HPSE2: variants seen among roughly 807,000 people sequenced by gnomAD.
HPSE2 encodes heparanase 2 (inactive).
HPSE2 carries 38 observed loss-of-function variants against 60.5 expected under a neutral mutation model. The ratio of observed to expected loss-of-function variants is 0.63; its 90% CI spans 0.48 to 0.82. HPSE2 has a LOEUF of 0.82. HPSE2 is among the 40% of genes least tolerant of loss of function. The probability of loss-of-function intolerance (pLI) is 0.00; values close to 1 mark genes in which losing one functional copy is unlikely to be tolerated. For missense variants in HPSE2, 713 were observed against 740.4 expected, an observed-to-expected ratio of 0.96 and a Z score of 0.43; for synonymous variants, 295 against 293.2, an observed-to-expected ratio of 1.01 and a Z score of -0.06.
intron 7 of HPSE2, among the ~76,000 whole-genome samples, chr10:98,628,348 C>T (rs1393122135): frequency 6.6e-6 from 1 of 152,058 alleles, no homozygotes; most frequent in Non-Finnish European, 1.5e-5. Flanking sequence ...TGCAAAATTC[C>T]CTTAGAAAGT....
chr10:98,535,324 GT>G (rs1408708507), intron 9 of HPSE2, among the ~76,000 whole-genome samples: 5 of 148,126 alleles, frequency 3.4e-5, no homozygotes, highest in East Asian at 2.0e-4. Context: ...ATTTTTGTTT[GT>G]TTTTTTTTTA....
chr10:98,498,878 A>T (rs897463524), intron 9 of HPSE2, among the ~76,000 whole-genome samples: 6 of 152,190 alleles, frequency 3.9e-5, no homozygotes, highest in Non-Finnish European at 7.3e-5. Flanking sequence ...CAGCAATAGA[A>T]CTGAACAAGT....
intron 3 of HPSE2, among the ~76,000 whole-genome samples, chr10:99,051,201 T>C (rs1195701554): frequency 6.6e-6 from 1 of 152,082 alleles, no homozygotes; most frequent in African/African-American, 2.4e-5. Flanking sequence ...GAGAATGGCA[T>C]GAACCCAGGA....
intron 3 of HPSE2, among the ~76,000 whole-genome samples, chr10:98,976,812 T>C (rs1417656731): frequency 2.6e-5 from 4 of 151,174 alleles, no homozygotes; most frequent in Non-Finnish European, 5.9e-5. Context: ...TTGGAAAAAA[T>C]GGGCTTTGCA....
chr10:99,176,841 G>A (rs1192152858), intron 2 of HPSE2, among the ~76,000 whole-genome samples: 1 of 151,922 alleles, frequency 6.6e-6, no homozygotes. Flanking sequence ...AGGTTGAAAT[G>A]AAGGAAAAAA....
intron 8 of HPSE2, among the ~76,000 whole-genome samples, chr10:98,617,543 C>T (rs1945947196): frequency 6.6e-6 from 1 of 152,154 alleles, no homozygotes. Flanking sequence ...CTGGAGCATT[C>T]AAAAATGGCT....
chr10:99,249,184 G>A, the HPSE2 span, among the ~76,000 whole-genome samples: 5 of 152,222 alleles, frequency 3.3e-5, no homozygotes, highest in South Asian at 2.1e-4. Flanking sequence ...TGGTAGATGC[G>A]CCAACAGCTT....
intron 4 of HPSE2, among the ~76,000 whole-genome samples, chr10:98,722,063 G>T (rs568018538): frequency 7.9e-5 from 12 of 151,112 alleles, no homozygotes; most frequent in Non-Finnish European, 1.3e-4. Context: ...AATCAACACC[G>T]GAGACCATAC....
intron 3 of HPSE2, among the ~76,000 whole-genome samples, chr10:99,109,535 G>T (rs1460230918): frequency 6.6e-6 from 1 of 152,110 alleles, no homozygotes; most frequent in Non-Finnish European, 1.5e-5. Context: ...AGAAAGGAAT[G>T]ATAATGCTAA....
chr10:98,969,331 T>G (rs1035844643), intron 3 of HPSE2, among the ~76,000 whole-genome samples: 2 of 152,164 alleles, frequency 1.3e-5, no homozygotes, highest in African/African-American at 4.8e-5. Flanking sequence ...ATACTAATCT[T>G]TCCTTTTTCT....
intron 3 of HPSE2, among the ~76,000 whole-genome samples, chr10:99,028,123 T>C (rs903349037): frequency 2.0e-5 from 3 of 152,180 alleles, no homozygotes; most frequent in African/African-American, 7.2e-5. Flanking sequence ...CCACTGTTAT[T>C]AAACATAGTA....
chr10:98,906,213 A>G (rs1449711146), intron 3 of HPSE2, among the ~76,000 whole-genome samples: 8 of 152,160 alleles, frequency 5.3e-5, no homozygotes, highest in Non-Finnish European at 1.2e-4. Flanking sequence ...TTTCCCCAAA[A>G]GTGTTGATTC....
chr10:99,116,218 G>T lies in HPSE2; in HGVS notation c.610+28020C>A, dbSNP rs771697888. ...TAGATTACCAAGAAACACTGATCTA[G>T]ATTCAAACTCTAACAGTCTAAATTC... On this transcript the variant is annotated intron_variant, in intron 3 of 11. Transcript: ENST00000370552. 7.3e-5 allele frequency among the ~76,000 whole-genome samples: 11 copies of T among 151,220 alleles called. No individual in the cohort carries two copies. The Admixed American group carries it at 7.3e-4, about 10-fold the overall frequency.
chr10:98,465,316 T>C (rs1940479581), intron 11 of HPSE2, among the ~76,000 whole-genome samples: 2 of 152,212 alleles, frequency 1.3e-5, no homozygotes, highest in African/African-American at 2.4e-5. Context: ...CTTACAACAA[T>C]TGAGGCAGGT....
At chr10:99,138,703 G>A (rs1400472556) in intron 3 of HPSE2, among the ~76,000 whole-genome samples, 1 of 152,120 alleles carries the variant, frequency 6.6e-6, no homozygotes, top group Non-Finnish European at 1.5e-5. Context: ...GACAACACAT[G>A]GACATAGGGA....
In HPSE2 at chr10:98,739,864, G is replaced by A. The variant is rs542089292; in HGVS notation, c.784+4019C>T. ...AATTAGAGGTATTACATTATCTTAA[G>A]GTAATTTTTGTGATTAAGTATAGCT... On this transcript the variant is annotated intron_variant, in intron 4 of 11. Transcript: ENST00000370552. Among the ~76,000 whole-genome samples the A allele has an allele frequency of 9.2e-5, 14 of 152,114 alleles. No homozygotes were observed. In the East Asian group the frequency reaches 1.9e-3, roughly 21 times the overall value.
chr10:98,944,657 G>A (rs1955126826), intron 3 of HPSE2, among the ~76,000 whole-genome samples: 1 of 152,064 alleles, frequency 6.6e-6, no homozygotes, highest in Admixed American at 6.6e-5. Context: ...GGATTAGAAA[G>A]GTCAATAAGG....
rs369291806 is a variant in HPSE2, at chr10:98,746,156, G to GCAA, written c.611-2103_611-2101dup. Among the ~76,000 whole-genome samples the GCAA allele has an allele frequency of 9.0e-5, 6 of 66,608 alleles. 1 individual carries two copies. The highest frequency in any genetic ancestry group is 2.6e-4 in the Admixed American group (2 of 7,670). The allele number at this position is 66,608 out of a possible 152,430, so 43.7% of individuals were successfully genotyped here. A position where few individuals can be genotyped will look rare whatever the true frequency, so the allele number is the denominator to read the frequency against. On this transcript the variant is annotated intron_variant, in intron 3 of 11. Transcript: ENST00000370552. ...ACTCTACCCAGAATTGAGTAATTGGGCAACAACAACAACAACAAAAGGAAT... is the reference window on the plus strand; with the variant it reads ...ACTCTACCCAGAATTGAGTAATTGGGCAACAACAACAACAACAACAAAAGGAAT...
intron 3 of HPSE2, among the ~76,000 whole-genome samples, chr10:98,803,593 G>T (rs1373723338): frequency 6.6e-6 from 1 of 151,966 alleles, no homozygotes; most frequent in East Asian, 1.9e-4. Flanking sequence ...TTTCCCCATT[G>T]CTTGTTTTTC....
Sources: allele counts gnomAD v4.1 joint callset (sites outside exome capture counted in the v4.1 genomes callset), GRCh38; gene constraint gnomAD v4.1.1; transcripts MANE v1.5; gene names NCBI Gene and HGNC (gene_info 2026-07-23, HGNC 2026-07-21).